DNM1: variants seen among roughly 807,000 people sequenced by gnomAD.
The protein encoded by DNM1 is dynamin 1.
Under a neutral mutation model 104.6 loss-of-function variants are expected in DNM1, and 29 were observed. That is an observed-to-expected ratio of 0.28 (90% confidence interval 0.21 to 0.38). The LOEUF (loss-of-function observed/expected upper bound fraction) is 0.38. DNM1 is among the 10% of genes least tolerant of loss of function. The pLI is 1.00. For missense variants in DNM1, 640 were observed against 1,189.4 expected (o/e 0.54, Z 6.79); for synonymous variants, 445 against 475.8 (o/e 0.94, Z 0.84).
intron 1 of DNM1, chr9:128,204,825 T>G (rs1271578200): frequency 6.6e-6 from 1 of 152,402 alleles, no homozygotes; most frequent in East Asian, 1.9e-4. Context: ...GCAGGGGCCC[T>G]TGTCCGCAGA....
chr9:128,216,757 TTG>T (rs1834630989), intron 1 of DNM1, among the ~76,000 whole-genome samples: 1 of 152,190 alleles, frequency 6.6e-6, no homozygotes, highest in African/African-American at 2.4e-5. Context: ...GCAAGAAGAC[TTG>T]TGAGTCTGGG....
At chr9:128,208,123 G>A (rs112467690) in intron 1 of DNM1, among the ~76,000 whole-genome samples, 10 of 151,366 alleles carry the variant, frequency 6.6e-5, no homozygotes, top group African/African-American at 2.2e-4. Context: ...GCAATGGCGC[G>A]ATCTCAGCTC....
Position 128,219,065 on chromosome 9 carries a change from G to A in DNM1, c.402G>A (p.Leu134=), listed in dbSNP as rs777767122. 2 of 1,614,040 alleles carry A rather than the reference G, an allele frequency of 1.2e-6. No homozygotes were observed. The highest frequency in any genetic ancestry group is 8.5e-7 in the Non-Finnish European group (1 of 1,180,048). The change falls in exon 4 of 22, where the codon CTG becomes CTA. Residue 134 remains leucine, a synonymous_variant. Transcript: ENST00000372923. ...VYSPHVLNLT[L]VDLPGMTKVP... ...CCTGTCCAGTGCTGAACCTGACCCTGGTGGACCTGCCCGGAATGACCAAGG... is the reference window on the plus strand; with the variant it reads ...CCTGTCCAGTGCTGAACCTGACCCTAGTGGACCTGCCCGGAATGACCAAGG...
At position 128,220,742 on chromosome 9, in the gene DNM1, C is replaced by CGTGTGTGT. The variant is rs140950284; in HGVS notation, c.849+420_849+427dup. The stretch of plus-strand genomic sequence containing the variant: ...CAGAACTGAAGTGCGCGCGCGCGCG[C>CGTGTGTGT]GTGTGTGTGTGTGTGTGTGTGTGTG... On this transcript the variant is annotated intron_variant, in intron 6 of 21. Transcript: ENST00000372923. This position sits in a 1 kb window ranked among gnomAD's most constrained non-coding sequence, Gnocchi z 5.2. Among the ~76,000 whole-genome samples the CGTGTGTGT allele has an allele frequency of 0.023, 3,172 of 136,356 alleles. 70 individuals carry two copies. The highest frequency in any genetic ancestry group is 0.031 in the East Asian group (118 of 3,830). 89.5% of individuals were successfully genotyped at this position (136,356 alleles called of 152,430 possible).
At chr9:128,237,014 T>G (rs1202288193) in intron 11 of DNM1, among the ~76,000 whole-genome samples, 1 of 152,166 alleles carries the variant, frequency 6.6e-6, no homozygotes, top group Non-Finnish European at 1.5e-5. Context: ...AATTGTAATA[T>G]CTAACATCTG....
At chr9:128,244,125 A>G (rs1836592654) in intron 15 of DNM1, among the ~76,000 whole-genome samples, 1 of 141,000 alleles carries the variant, frequency 7.1e-6, no homozygotes, top group African/African-American at 3.0e-5. Context: ...GGGGTGTAAA[A>G]GCAGGTGTGT....
chr9:128,247,534 C>T lies in DNM1; in HGVS notation c.1893+48C>T, dbSNP rs369948582. Reference sequence around the variant, plus strand: ...GAAGGGCAAGCATGATCCTAGGGCCCCTGGGGCACCATCCTCAGTGATGCC... The same window carrying T: ...GAAGGGCAAGCATGATCCTAGGGCCTCTGGGGCACCATCCTCAGTGATGCC... On this transcript the variant is annotated intron_variant, in intron 17 of 21. Transcript: ENST00000372923. This position sits in a 1 kb window ranked among gnomAD's most constrained non-coding sequence, Gnocchi z 5.1. 247 of 1,413,786 alleles carry T rather than the reference C, an allele frequency of 1.7e-4. No individual in the cohort carries two copies. The highest frequency in any genetic ancestry group is 2.2e-4 in the Non-Finnish European group (218 of 1,010,992). 87.6% of individuals were successfully genotyped at this position (1,413,786 alleles called of 1,614,324 possible).
intron 11 of DNM1, among the ~76,000 whole-genome samples, chr9:128,238,647 GAT>G (rs1836161511): frequency 6.7e-6 from 1 of 149,664 alleles, no homozygotes. Context: ...TTTGATTTGT[GAT>G]TTTCTTTTTT....
chr9:128,249,250 C>T (rs979658954), intron 19 of DNM1, among the ~76,000 whole-genome samples: 1 of 152,010 alleles, frequency 6.6e-6, no homozygotes, highest in Non-Finnish European at 1.5e-5. Flanking sequence ...TGGCTCATGC[C>T]TGTAATCCCA....
At position 128,254,792 on chromosome 9, in the gene DNM1, C is replaced by T. The variant is rs889433120; in HGVS notation, c.*78C>T. 2.6e-5 allele frequency: 32 copies of T among 1,237,206 alleles called. No homozygotes were observed. Among genetic ancestry groups the T allele is most frequent in the Non-Finnish European group, 3.4e-5 (29 of 858,752 alleles). 76.6% of individuals were successfully genotyped at this position (1,237,206 alleles called of 1,614,324 possible). On this transcript the variant is annotated 3_prime_UTR_variant, in exon 22 of 22. Transcript: ENST00000372923. This position sits in a 1 kb window ranked among gnomAD's most constrained non-coding sequence, Gnocchi z 6.1. ...TGTTCTGTGACTTGACAGTGGCTCC[C>T]CCAGCCCCAAAGCCAGCCCCCTTCA...
Position 128,234,079 on chromosome 9 carries a change from G to A in DNM1, c.1394G>A (p.Arg465Gln), listed in dbSNP as rs773857861. The A allele has an allele frequency of 1.9e-6, 3 of 1,572,338 alleles. No homozygotes were observed. Among genetic ancestry groups the A allele is most frequent in the Non-Finnish European group, 2.6e-6 (3 of 1,159,654 alleles). The stretch of plus-strand genomic sequence containing the variant: ...GAGCGCATCGTGACCACCCACATCC[G>A]GGAGCGCGAGGGCCGCACTAAGGAG... Reference protein sequence around the residue: ...EMERIVTTHIREREGRTKEQV... With the variant: ...EMERIVTTHIQEREGRTKEQV... Residue 465 changes from arginine (R) to glutamine (Q), a missense_variant, in exon 11 of 22, where the codon CGG becomes CAG. Physicochemically the swap from Arg to Gln is conservative, Grantham distance 43. Transcript: ENST00000372923.
chr9:128,241,285 C>G (rs1196883037), intron 14 of DNM1, among the ~76,000 whole-genome samples: 1 of 152,124 alleles, frequency 6.6e-6, no homozygotes, highest in East Asian at 1.9e-4. Flanking sequence ...CTCATCCTCT[C>G]GATCTGACCC....
chr9:128,208,671 C>T (rs1267757639), intron 1 of DNM1, among the ~76,000 whole-genome samples: 1 of 152,166 alleles, frequency 6.6e-6, no homozygotes, highest in Non-Finnish European at 1.5e-5. Flanking sequence ...AGTTGTGAGT[C>T]AGCCAGACCC....
At position 128,218,480 on chromosome 9, in the gene DNM1, GGT is replaced by G. The variant is rs958379735; in HGVS notation, c.236-97_236-96del. 2.1e-6 allele frequency: 3 copies of G among 1,453,840 alleles called. No homozygotes were observed. Among genetic ancestry groups the G allele is most frequent in the Non-Finnish European group, 2.9e-6 (3 of 1,048,828 alleles). 90.1% of individuals were successfully genotyped at this position (1,453,840 alleles called of 1,614,324 possible). ...GAGACGTGGGTGGTGGTTCTGCTTGGGTGTGTCTAGGGGGTTCTATTACCGGT... is the reference window on the plus strand; with the variant it reads ...GAGACGTGGGTGGTGGTTCTGCTTGGGTGTCTAGGGGGTTCTATTACCGGT... On this transcript the variant is annotated intron_variant, in intron 2 of 21. Coordinates refer to ENST00000372923, the MANE Select transcript of DNM1 (RefSeq NM_004408.4). The surrounding 1 kb of genome is among the most constrained non-coding windows in gnomAD (Gnocchi z 4.8).
In DNM1 at chr9:128,217,883, C is replaced by T. The variant is rs577536065; in HGVS notation, c.162-348C>T. Among the ~76,000 whole-genome samples the T allele has an allele frequency of 7.9e-5, 12 of 152,258 alleles. No individual in the cohort carries two copies. In the South Asian group the frequency reaches 2.3e-3, roughly 29 times the overall value. ...ACTCTGTGGGCATTGGACACATAGG[C>T]ATGTGGGAGACCCCATGCCTCAGTT... On this transcript the variant is annotated intron_variant, in intron 1 of 21. Coordinates refer to ENST00000372923, the MANE Select transcript of DNM1 (RefSeq NM_004408.4).
At chr9:128,232,765 GCTCC>G (rs1835776209) in intron 10 of DNM1, 1 of 152,466 alleles carries the variant, frequency 6.6e-6, no homozygotes, top group Non-Finnish European at 1.5e-5. Flanking sequence ...CTGGGGGTGG[GCTCC>G]CACCATCAGA....
rs1836310187 is a variant in DNM1 at position 128,240,662 on chromosome 9, T to TGA, written c.1557+666_1557+667insGA. On this transcript the variant is annotated intron_variant, in intron 14 of 21. Coordinates refer to ENST00000372923, the MANE Select transcript of DNM1 (RefSeq NM_004408.4). The surrounding 1 kb of genome is among the most constrained non-coding windows in gnomAD (Gnocchi z 5.1). ...CTCAAGCCCCTAGCCTGGCACGCAG[T>TGA]AGGTGCTCAACAGAATGAAGGGAGG... 1 of 152,690 alleles carries TGA rather than the reference T, an allele frequency of 6.5e-6. No homozygotes were observed. Among genetic ancestry groups the TGA allele is most frequent in the Non-Finnish European group, 1.5e-5 (1 of 68,442 alleles). The allele number at this position is 152,690 out of a possible 1,614,324, so 9.5% of individuals were successfully genotyped here.
At position 128,224,996 on chromosome 9, in the gene DNM1, C is replaced by T. The variant is rs1365261862; in HGVS notation, c.1335+607C>T. ...CATCTGGCTTTCCAGGGATAGAGCC[C>T]TTCTCCCATCTGCCCCACCATCCAA... On this transcript the variant is annotated intron_variant, in intron 10 of 21. Transcript: ENST00000372923. This position sits in a 1 kb window ranked among gnomAD's most constrained non-coding sequence, Gnocchi z 4.3. 6.6e-6 allele frequency among the ~76,000 whole-genome samples: 1 copy of T among 152,158 alleles called. No homozygotes were observed. The highest frequency in any genetic ancestry group is 1.5e-5 in the Non-Finnish European group (1 of 68,034).
chr9:128,214,030 A>G (rs549965016), intron 1 of DNM1, among the ~76,000 whole-genome samples: 9 of 151,626 alleles, frequency 5.9e-5, no homozygotes, highest in East Asian at 1.9e-4. Flanking sequence ...AGGCACCCCA[A>G]CTCCCTGCTT....
Sources: allele counts gnomAD v4.1 joint callset (sites outside exome capture counted in the v4.1 genomes callset), GRCh38; gene constraint gnomAD v4.1.1; non-coding constraint Gnocchi (gnomAD v3.1); transcripts MANE v1.5; gene names NCBI Gene and HGNC (gene_info 2026-07-23, HGNC 2026-07-21).